The following MYOZ2 variants were observed in gnomAD, a reference collection of about 807,000 sequenced individuals.
MYOZ2 encodes myozenin 2, also known as myozenin-2.
Under a neutral mutation model 25.4 loss-of-function variants are expected in MYOZ2, and 19 were observed. The observed-to-expected ratio is 0.75, with a 90% CI of 0.52 to 1.10. MYOZ2 has a LOEUF of 1.10. MYOZ2 is among the 50% of genes least tolerant of loss of function. The pLI is 0.00. For missense variants in MYOZ2, 270 were observed against 317.9 expected, an observed-to-expected ratio of 0.85 and a Z score of 1.15; for synonymous variants, 92 against 106.9, an observed-to-expected ratio of 0.86 and a Z score of 0.86.
intron 5 of MYOZ2, among the ~76,000 whole-genome samples, chr4:119,167,277 G>A (rs1578740255): frequency 6.6e-6 from 1 of 152,308 alleles, no homozygotes; most frequent in East Asian, 1.9e-4. Flanking sequence ...TAGTCTGGAT[G>A]GAAGATCAAA....
At chr4:119,156,648 G>A (rs919885333) in intron 3 of MYOZ2, among the ~76,000 whole-genome samples, 2 of 152,002 alleles carry the variant, frequency 1.3e-5, no homozygotes, top group Admixed American at 6.6e-5. Context: ...AAAGCTATTC[G>A]TTGAAAATAT....
At chr4:119,177,229 C>T (rs146738541) in intron 5 of MYOZ2, among the ~76,000 whole-genome samples, 126 of 152,262 alleles carry the variant, frequency 8.3e-4, no homozygotes, top group African/African-American at 2.8e-3. Context: ...ATCTTCCTCT[C>T]GTCTCTCTCC....
chr4:119,158,767 ATTGTC>A (rs1391714204), intron 4 of MYOZ2, among the ~76,000 whole-genome samples: 1 of 152,160 alleles, frequency 6.6e-6, no homozygotes, highest in African/African-American at 2.4e-5. Flanking sequence ...TGTGATATAT[ATTGTC>A]TTCTTTAATT....
chr4:119,168,683 AAAC>A (rs150292392), intron 5 of MYOZ2, among the ~76,000 whole-genome samples: 5,821 of 150,892 alleles, frequency 0.039, 342 homozygotes, highest in African/African-American at 0.13. Context: ...AACAACAACA[AAAC>A]AACAACAACA....
chr4:119,149,387 G>A (rs1007337162), intron 2 of MYOZ2, among the ~76,000 whole-genome samples: 3 of 152,252 alleles, frequency 2.0e-5, no homozygotes, highest in Admixed American at 6.5e-5. Flanking sequence ...ACGTGGGTGA[G>A]AGCGAAGTCA....
At chr4:119,148,887 T>C (rs1741378694) in intron 2 of MYOZ2, among the ~76,000 whole-genome samples, 1 of 152,080 alleles carries the variant, frequency 6.6e-6, no homozygotes, top group Non-Finnish European at 1.5e-5. Context: ...AGTTTTAATA[T>C]CTCAGTCATC....
chr4:119,169,979 T>C lies in MYOZ2; in HGVS notation c.560+5585T>C, dbSNP rs117073209. Among the ~76,000 whole-genome samples the C allele has an allele frequency of 1.7e-3, 262 of 152,288 alleles. 2 individuals are homozygous for C. The East Asian group carries it at 0.025, about 15-fold the overall frequency. On this transcript the variant is annotated intron_variant, in intron 5 of 5. Coordinates refer to ENST00000307128, the MANE Select transcript of MYOZ2 (RefSeq NM_016599.5). The stretch of plus-strand genomic sequence containing the variant: ...TCCTACAGGTTTTTTTAAAAAAATA[T>C]TTTTTGTTGTTGTTGTCATGGTGGT...
At chr4:119,160,994 C>T (rs1741696139) in intron 4 of MYOZ2, among the ~76,000 whole-genome samples, 1 of 151,776 alleles carries the variant, frequency 6.6e-6, no homozygotes, top group Non-Finnish European at 1.5e-5. Flanking sequence ...ATAACTTATT[C>T]CTCCTGTCTA....
At chr4:119,179,156 T>G (rs1364911504) in intron 5 of MYOZ2, among the ~76,000 whole-genome samples, 1 of 152,198 alleles carries the variant, frequency 6.6e-6, no homozygotes, top group Non-Finnish European at 1.5e-5. Flanking sequence ...CTGGAAGACC[T>G]CACAGTGCTG....
intron 5 of MYOZ2, 93 bp downstream of exon 5, chr4:119,164,487 T>G: frequency 7.7e-7 from 1 of 1,306,464 alleles, no homozygotes; most frequent in Non-Finnish European, 1.1e-6. Context: ...TAGAAAGCAA[T>G]TTTTTCTTTT....
At chr4:119,171,328 C>T (rs1329442830) in intron 5 of MYOZ2, among the ~76,000 whole-genome samples, 1 of 151,976 alleles carries the variant, frequency 6.6e-6, no homozygotes, top group Non-Finnish European at 1.5e-5. Flanking sequence ...TATTTTTATA[C>T]ACCAGCAATA....
chr4:119,168,298 A>T (rs1741870217), intron 5 of MYOZ2, among the ~76,000 whole-genome samples: 1 of 152,200 alleles, frequency 6.6e-6, no homozygotes, highest in Non-Finnish European at 1.5e-5. Context: ...TGTTGACACA[A>T]CATCCATTCT....
intron 5 of MYOZ2, among the ~76,000 whole-genome samples, chr4:119,176,467 C>T (rs954938468): frequency 7.2e-5 from 11 of 152,162 alleles, no homozygotes; most frequent in African/African-American, 2.7e-4. Context: ...GGGTGATCTG[C>T]CCACTTCGGC....
At chr4:119,145,506 CTGTGTGTGTGTG>C (rs200111377) in intron 2 of MYOZ2, among the ~76,000 whole-genome samples, 24 of 128,230 alleles carry the variant, frequency 1.9e-4, no homozygotes, top group African/African-American at 4.6e-4. Flanking sequence ...CCAGCTAAAA[CTGTGTGTGTGTG>C]TGTGTGTGTG....
intron 3 of MYOZ2, among the ~76,000 whole-genome samples, 157 bp from the exon 4 acceptor site, chr4:119,157,865 C>A (rs1741616411): frequency 6.6e-6 from 1 of 152,020 alleles, no homozygotes; most frequent in Non-Finnish European, 1.5e-5. Flanking sequence ...AGTGCGCAAC[C>A]ATCTTACTAT....
intron 2 of MYOZ2, among the ~76,000 whole-genome samples, chr4:119,139,920 G>C (rs529490504): frequency 6.8e-6 from 1 of 147,726 alleles, no homozygotes; most frequent in South Asian, 2.3e-4. Flanking sequence ...GCTTTCCCCA[G>C]CACACTGAAG....
chr4:119,149,337 G>A (rs914867229), intron 2 of MYOZ2, among the ~76,000 whole-genome samples: 28 of 152,230 alleles, frequency 1.8e-4, no homozygotes, highest in Admixed American at 1.6e-3. Context: ...ACTTGTTACA[G>A]CCTCACAGGG....
chr4:119,174,763 A>C (rs187357957), intron 5 of MYOZ2, among the ~76,000 whole-genome samples: 8 of 152,264 alleles, frequency 5.3e-5, no homozygotes, highest in Middle Eastern at 6.8e-3. Context: ...CCCCTTCCAC[A>C]CAGTGGAAGC....
At chr4:119,174,886 A>G (rs1742027218) in intron 5 of MYOZ2, among the ~76,000 whole-genome samples, 3 of 152,286 alleles carry the variant, frequency 2.0e-5, no homozygotes, top group South Asian at 4.2e-4. Context: ...CTCCTGAAGC[A>G]GTGAGACCAC....
Sources: allele counts gnomAD v4.1 joint callset (sites outside exome capture counted in the v4.1 genomes callset), GRCh38; gene constraint gnomAD v4.1.1; transcripts MANE v1.5; gene names NCBI Gene and HGNC (gene_info 2026-07-23, HGNC 2026-07-21).